The following PKP4 variants were observed in gnomAD, a reference collection of about 807,000 sequenced individuals.
PKP4 encodes the protein plakophilin-4.
PKP4 carries 90 observed loss-of-function variants against 145.1 expected under a neutral mutation model. The observed-to-expected ratio is 0.62, with a 90% CI of 0.52 to 0.74. PKP4 has a LOEUF of 0.74. Among genes scored for constraint, PKP4 ranks in the 30% least tolerant of loss-of-function variants. The pLI is 0.00. For synonymous variants in PKP4, 563 were observed against 577.2 expected, an observed-to-expected ratio of 0.98 and a Z score of 0.35; for missense variants, 1,340 against 1,482.7, an observed-to-expected ratio of 0.90 and a Z score of 1.58.
At chr2:158,623,315 C>A (rs2052435989) in intron 6 of PKP4, among the ~76,000 whole-genome samples, 1 of 152,090 alleles carries the variant, frequency 6.6e-6, no homozygotes, top group Non-Finnish European at 1.5e-5. Flanking sequence ...GCTAAGACTG[C>A]AGGCACATGC....
Position 158,631,911 on chromosome 2 carries a change from T to A in PKP4, c.1312T>A (p.Ser438Thr), listed in dbSNP as rs753100578. The change falls in exon 8 of 22, where the codon TCG becomes ACG. Residue 438 changes from serine (S) to threonine (T), a missense_variant. Physicochemically the swap from Ser to Thr is moderately conservative, Grantham distance 58. Coordinates refer to ENST00000389759, the MANE Select transcript of PKP4 (RefSeq NM_003628.6). ...CCATGGAACTGTGGAGCTCCAAGGA[T>A]CGCAGACGGCGTTGTATCGCACAGG... Reference protein sequence around the residue: ...PNHGTVELQGSQTALYRTGSV... With the variant: ...PNHGTVELQGTQTALYRTGSV... 1.2e-6 allele frequency: 2 copies of A among 1,613,918 alleles called. No individual in the cohort carries two copies. The highest frequency in any genetic ancestry group is 1.7e-6 in the Non-Finnish European group (2 of 1,180,022).
chr2:158,595,100 G>A (rs2049608905), intron 3 of PKP4, among the ~76,000 whole-genome samples: 1 of 152,166 alleles, frequency 6.6e-6, no homozygotes, highest in Non-Finnish European at 1.5e-5. Flanking sequence ...GAGAGCATAA[G>A]TCTCTAGTGT....
intron 1 of PKP4, among the ~76,000 whole-genome samples, chr2:158,485,559 AC>A (rs1320033173): frequency 1.3e-5 from 2 of 152,180 alleles, no homozygotes; most frequent in Non-Finnish European, 2.9e-5. Flanking sequence ...CATTACAAGC[AC>A]CTGAAGTGTA....
intron 3 of PKP4, among the ~76,000 whole-genome samples, chr2:158,584,612 A>T (rs1350557016): frequency 6.6e-6 from 1 of 152,210 alleles, no homozygotes; most frequent in Non-Finnish European, 1.5e-5. Context: ...ACTTGAGGCC[A>T]GGAGTTTGAA....
intron 11 of PKP4, among the ~76,000 whole-genome samples, chr2:158,644,328 A>G (rs528430908): frequency 1.6e-4 from 24 of 152,314 alleles, no homozygotes; most frequent in African/African-American, 5.8e-4. Context: ...TGATGGTCGG[A>G]AGTGCGGAGT....
chr2:158,572,141 G>C (rs2047460145), intron 2 of PKP4, among the ~76,000 whole-genome samples: 1 of 151,924 alleles, frequency 6.6e-6, no homozygotes, highest in South Asian at 2.1e-4. Flanking sequence ...GAACTAATAA[G>C]AAGTCTCAGA....
intron 3 of PKP4, among the ~76,000 whole-genome samples, chr2:158,590,413 T>C (rs1463022954): frequency 4.0e-5 from 6 of 151,090 alleles, no homozygotes; most frequent in Non-Finnish European, 5.9e-5. Context: ...AATAGCCAGT[T>C]ATTTTAGGAT....
chr2:158,578,546 T>C (rs1385768777), intron 3 of PKP4, among the ~76,000 whole-genome samples: 2 of 152,152 alleles, frequency 1.3e-5, no homozygotes, highest in African/African-American at 2.4e-5. Context: ...TTTAATTCTC[T>C]ATAATATTTT....
intron 1 of PKP4, among the ~76,000 whole-genome samples, chr2:158,530,612 A>G (rs1161714484): frequency 7.0e-6 from 1 of 143,510 alleles, no homozygotes. Context: ...TCTTACAATT[A>G]TGAAAACTAC....
chr2:158,565,451 T>TTC, intron 2 of PKP4, among the ~76,000 whole-genome samples: 1 of 143,408 alleles, frequency 7.0e-6, no homozygotes, highest in South Asian at 2.2e-4. Flanking sequence ...TTTTTTTTTT[T>TTC]CCTTTTCTGC....
chr2:158,496,790 G>GTGTGTGTGTCTGTGTC (rs146738816), intron 1 of PKP4, among the ~76,000 whole-genome samples: 7,856 of 149,800 alleles, frequency 0.052, 292 homozygotes, highest in Middle Eastern at 0.14. Flanking sequence ...GTGTGTGTGT[G>GTGTGTGTGTCTGTGTC]TGTGTCTGTG....
At chr2:158,601,066 A>G (rs2050184836) in intron 3 of PKP4, among the ~76,000 whole-genome samples, 1 of 152,202 alleles carries the variant, frequency 6.6e-6, no homozygotes. Flanking sequence ...CTTTCAAAAC[A>G]TTAAAGAACT....
At chr2:158,626,682 C>G (rs1021954349) in intron 7 of PKP4, among the ~76,000 whole-genome samples, 1 of 152,136 alleles carries the variant, frequency 6.6e-6, no homozygotes, top group Non-Finnish European at 1.5e-5. Context: ...GCTGCATATT[C>G]CAAGTTTTTC....
intron 1 of PKP4, among the ~76,000 whole-genome samples, chr2:158,515,915 G>A (rs562285662): frequency 1.3e-5 from 2 of 152,232 alleles, no homozygotes; most frequent in South Asian, 2.1e-4. Context: ...GCATGATAGT[G>A]TGTGCCTATA....
At chr2:158,578,844 A>G (rs1681842660) in intron 3 of PKP4, among the ~76,000 whole-genome samples, 3 of 152,222 alleles carry the variant, frequency 2.0e-5, no homozygotes. Context: ...GAGGAGGGAA[A>G]ATCCCCAGAT....
In PKP4 at chr2:158,649,699, G is replaced by A. The variant is rs115557913; in HGVS notation, c.1909+7000G>A. Reference sequence around the variant, plus strand: ...GCAGTCAAGTAGGGAGTCTCAGAAGGTCACTTATAAGACTTGGGTATTCAA... The same window carrying A: ...GCAGTCAAGTAGGGAGTCTCAGAAGATCACTTATAAGACTTGGGTATTCAA... On this transcript the variant is annotated intron_variant, in intron 11 of 21. Transcript: ENST00000389759. Among the ~76,000 whole-genome samples, 498 of 152,278 alleles carry A rather than the reference G, an allele frequency of 3.3e-3. 3 individuals carry two copies. The highest frequency in any genetic ancestry group is 0.012 in the African/African-American group (484 of 41,558).
intron 4 of PKP4, among the ~76,000 whole-genome samples, chr2:158,604,425 T>C (rs2050481876): frequency 6.6e-6 from 1 of 152,142 alleles, no homozygotes; most frequent in Non-Finnish European, 1.5e-5. Flanking sequence ...AAGCAAAATG[T>C]CATATTATTT....
chr2:158,517,398 T>C (rs753536070), intron 1 of PKP4, among the ~76,000 whole-genome samples: 6 of 152,218 alleles, frequency 3.9e-5, no homozygotes, highest in Non-Finnish European at 5.9e-5. Flanking sequence ...GTTGAAACTC[T>C]TTTGAGCCCC....
chr2:158,643,703 G>A (rs1352682560), intron 11 of PKP4, among the ~76,000 whole-genome samples: 1 of 130,722 alleles, frequency 7.6e-6, no homozygotes, highest in Non-Finnish European at 1.7e-5. Context: ...GACAAGTGAG[G>A]CCCTGTTTCA....
Sources: allele counts gnomAD v4.1 joint callset (sites outside exome capture counted in the v4.1 genomes callset), GRCh38; gene constraint gnomAD v4.1.1; transcripts MANE v1.5; gene names NCBI Gene and HGNC (gene_info 2026-07-23, HGNC 2026-07-21).